Variants in LARGE1 observed in about 807,000 individuals in gnomAD.
The protein encoded by LARGE1 is LARGE xylosyl- and glucuronyltransferase 1.
A neutral mutation model predicts 87.6 loss-of-function variants in LARGE1; 43 were observed. The observed-to-expected ratio is 0.49, with a 90% CI of 0.38 to 0.63. The LOEUF is 0.63. Among genes scored for constraint, LARGE1 ranks in the 30% least tolerant of loss-of-function variants. LARGE1 has a pLI of 0.00. For missense variants in LARGE1, 802 were observed against 1,000.2 expected (o/e 0.80, Z 2.67); for synonymous variants, 434 against 394.6 (o/e 1.10, Z -1.18).
At chr22:33,339,403 G>A (rs8135800) in intron 9 of LARGE1, among the ~76,000 whole-genome samples, 1,974 of 151,888 alleles carry the variant, frequency 0.013, 46 homozygotes, top group African/African-American at 0.044. Context: ...TAGTGGCGTC[G>A]TGGGGTCATG....
chr22:33,798,571 C>A (rs1241329924), intron 1 of LARGE1, among the ~76,000 whole-genome samples: 1 of 152,212 alleles, frequency 6.6e-6, no homozygotes, highest in Non-Finnish European at 1.5e-5. Context: ...TTTACCAACA[C>A]ACATGGCTTT....
rs915126067 is a variant in LARGE1, at chr22:33,337,919, G to A, written c.1132-118C>T. ...GCATTATTTGAGGGTCTGCTCATTC[G>A]CTCATTCAACATTTTGGCAGAGTGG... On this transcript the variant is annotated intron_variant, in intron 9 of 14. Coordinates refer to ENST00000397394, the MANE Select transcript of LARGE1 (RefSeq NM_133642.5). 4.0e-5 allele frequency: 45 copies of A among 1,136,232 alleles called. No homozygotes were observed. In the African/African-American group the frequency reaches 4.1e-4, roughly 10 times the overall value. 70.4% of individuals were successfully genotyped at this position (1,136,232 alleles called of 1,614,324 possible). A position where few individuals can be genotyped will look rare whatever the true frequency, so the allele number is the denominator to read the frequency against.
chr22:33,761,620 G>A, intron 1 of LARGE1, 62 bp from the exon 2 acceptor site: 1 of 714,054 alleles, frequency 1.4e-6, no homozygotes, highest in Non-Finnish European at 2.6e-6. Context: ...TGTAAGTTAT[G>A]GAAGAGAAAT....
chr22:33,304,973 T>C (rs1359367732), intron 11 of LARGE1, among the ~76,000 whole-genome samples: 4 of 152,152 alleles, frequency 2.6e-5, no homozygotes, highest in Admixed American at 2.6e-4. Context: ...CTACAACAAC[T>C]ATAATTACAG....
chr22:33,557,359 C>T (rs574165641), intron 6 of LARGE1, among the ~76,000 whole-genome samples: 14 of 152,222 alleles, frequency 9.2e-5, no homozygotes, highest in East Asian at 5.8e-4. Context: ...AAAATCAAAG[C>T]GCTAGTTTCT....
intron 1 of LARGE1, among the ~76,000 whole-genome samples, chr22:33,785,809 A>T (rs1276587868): frequency 6.6e-6 from 1 of 152,222 alleles, no homozygotes; most frequent in Non-Finnish European, 1.5e-5. Context: ...ATCTTGTCAA[A>T]GCCACTTAAA....
chr22:33,344,108 G>T (rs1350516419), intron 9 of LARGE1, among the ~76,000 whole-genome samples: 1 of 152,164 alleles, frequency 6.6e-6, no homozygotes, highest in Admixed American at 6.5e-5. Flanking sequence ...GGGTGGATTT[G>T]CCTTCTCCAG....
chr22:33,193,002 T>C (rs1193854687), intron 11 of LARGE1, among the ~76,000 whole-genome samples: 2 of 90,446 alleles, frequency 2.2e-5, no homozygotes, highest in African/African-American at 1.0e-4. Context: ...AAGTTGCATT[T>C]TAATTTTTCC....
intron 6 of LARGE1, among the ~76,000 whole-genome samples, chr22:33,548,326 G>C (rs1400834084): frequency 6.6e-6 from 1 of 152,140 alleles, no homozygotes; most frequent in Admixed American, 6.6e-5. Flanking sequence ...GGCCTCCCAA[G>C]AAACAGATAC....
chr22:33,836,053 G>A (rs2063100086), intron 1 of LARGE1, among the ~76,000 whole-genome samples: 1 of 152,172 alleles, frequency 6.6e-6, no homozygotes, highest in Admixed American at 6.5e-5. Flanking sequence ...AGCACTTCTG[G>A]GGAAGAGGCC....
intron 6 of LARGE1, among the ~76,000 whole-genome samples, chr22:33,444,381 C>T (rs2067606116): frequency 6.6e-6 from 1 of 152,144 alleles, no homozygotes; most frequent in South Asian, 2.1e-4. Flanking sequence ...TAATTTTTTT[C>T]CCCTTATAGT....
intron 7 of LARGE1, among the ~76,000 whole-genome samples, chr22:33,389,383 G>A (rs1224937801): frequency 6.6e-6 from 1 of 152,214 alleles, no homozygotes; most frequent in African/African-American, 2.4e-5. Context: ...TGATCCAAGG[G>A]TTTCAGAGGC....
the LARGE1 span, among the ~76,000 whole-genome samples, chr22:33,153,927 G>T: frequency 2.6e-5 from 4 of 152,230 alleles, no homozygotes; most frequent in South Asian, 8.3e-4. Flanking sequence ...CATTCTCTAA[G>T]TTTGGTTGTA....
chr22:33,439,500 A>ACCTC, intron 6 of LARGE1, among the ~76,000 whole-genome samples: 1 of 151,552 alleles, frequency 6.6e-6, no homozygotes, highest in East Asian at 2.0e-4. Context: ...TCCTTCCCCT[A>ACCTC]CCTCCTCCAT....
intron 7 of LARGE1, among the ~76,000 whole-genome samples, chr22:33,396,451 C>CAG (rs981515920): frequency 1.8e-5 from 2 of 108,498 alleles, no homozygotes; most frequent in Non-Finnish European, 3.5e-5. Flanking sequence ...GAGTGAGAGA[C>CAG]AGAGAGAGTG....
chr22:33,459,175 T>C (rs1263817782), intron 6 of LARGE1, among the ~76,000 whole-genome samples: 2 of 152,140 alleles, frequency 1.3e-5, no homozygotes, highest in Non-Finnish European at 2.9e-5. Flanking sequence ...CCTCTCTGTG[T>C]CTATGTGTTC....
downstream of LARGE1, among the ~76,000 whole-genome samples, chr22:33,161,435 A>T (rs1478270496): frequency 6.6e-6 from 1 of 152,136 alleles, no homozygotes; most frequent in Non-Finnish European, 1.5e-5. Flanking sequence ...ATAAAAGTCC[A>T]AGTCCAAAGT....
At chr22:33,438,618 C>T (rs1277762689) in intron 6 of LARGE1, among the ~76,000 whole-genome samples, 1 of 152,096 alleles carries the variant, frequency 6.6e-6, no homozygotes, top group African/African-American at 2.4e-5. Flanking sequence ...GGTTTTGGCT[C>T]AAGGCCCGGC....
At chr22:33,178,534 G>A (rs1743272590) in intron 11 of LARGE1, among the ~76,000 whole-genome samples, 1 of 152,204 alleles carries the variant, frequency 6.6e-6, no homozygotes, top group South Asian at 2.1e-4. Context: ...GGGTTTGGAT[G>A]GAGTCCAAAG....
Sources: gnomAD v4.1 joint callset for allele counts (sites outside exome capture counted in the v4.1 genomes callset) on GRCh38, gnomAD v4.1.1 for gene constraint, MANE v1.5 for transcripts, NCBI Gene and HGNC (gene_info 2026-07-23, HGNC 2026-07-21) for gene names.